Variants in COL5A2 observed in about 807,000 individuals in gnomAD.
COL5A2 encodes collagen type V alpha 2 chain.
A neutral mutation model predicts 208.2 loss-of-function variants in COL5A2; 23 were observed. The ratio of observed to expected loss-of-function variants is 0.11; its 90% confidence interval spans 0.08 to 0.16. COL5A2 has a LOEUF of 0.16. Among genes scored for constraint, COL5A2 ranks in the 10% least tolerant of loss-of-function variants. The pLI is 1.00. For missense variants in COL5A2, 1,590 were observed against 1,956.4 expected, an observed-to-expected ratio of 0.81 and a Z score of 3.53; for synonymous variants, 625 against 628.5, an observed-to-expected ratio of 0.99 and a Z score of 0.08.
chr2:189,411,282 A>G, the COL5A2 span, among the ~76,000 whole-genome samples: 3 of 152,164 alleles, frequency 2.0e-5, no homozygotes, highest in African/African-American at 7.2e-5. Flanking sequence ...ATATAATAAT[A>G]AATTATGATT....
At chr2:189,406,350 T>C in the COL5A2 span, among the ~76,000 whole-genome samples, 1 of 152,300 alleles carries the variant, frequency 6.6e-6, no homozygotes, top group South Asian at 2.1e-4. Context: ...GTAGACTCCA[T>C]CTTTGGGATA....
Position 189,080,011 on chromosome 2 carries a change from G to T in COL5A2, c.927C>A (p.Gly309=). The T allele has an allele frequency of 6.2e-7, 1 of 1,612,734 alleles. No individual in the cohort carries two copies. The highest frequency in any genetic ancestry group is 8.5e-7 in the Non-Finnish European group (1 of 1,179,010). ...CAGGTGCTCCAACTTCACCTTTAGG[G>T]CCTTCAAGACCTTTGTGTCCCTGAG... ...KGHRGHKGLE[G]PKGEVGAPGS... is the part of the protein sequence containing the mutation. The change falls in exon 14 of 54, where the codon GGC becomes GGA. Residue 309 remains glycine, a synonymous_variant. Transcript: ENST00000374866.
intron 6 of COL5A2, 137 bp downstream of exon 6, chr2:189,097,140 C>T (rs1462594101): frequency 1.3e-6 from 1 of 759,450 alleles, no homozygotes; most frequent in Non-Finnish European, 2.3e-6. Context: ...AGATAATATA[C>T]AATTATTATT....
intron 1 of COL5A2, among the ~76,000 whole-genome samples, chr2:189,215,912 C>A (rs556195203): frequency 6.8e-4 from 103 of 152,238 alleles, no homozygotes; most frequent in African/African-American, 2.4e-3. Flanking sequence ...AATGCTTCTT[C>A]CCTGTAACTA....
intron 1 of COL5A2, among the ~76,000 whole-genome samples, chr2:189,223,501 C>A (rs1336007204): frequency 6.6e-6 from 1 of 152,130 alleles, no homozygotes; most frequent in East Asian, 1.9e-4. Flanking sequence ...TATGTGTGTT[C>A]ATGAAAAGAC....
rs1212389042 is a variant in COL5A2, at chr2:189,045,846, G to A, written c.3263C>T (p.Pro1088Leu). ...ATCTCCTGGAGCACCCACAGGGCCA[G>A]GAGTTCCAGGGGCACCCTGAGAGCC... is the stretch of plus-strand genomic sequence containing the variant. ...LPGSQGAPGTPGPVGAPGDAG... is the reference protein window; with the variant it reads ...LPGSQGAPGTLGPVGAPGDAG... Residue 1088 changes from proline to leucine, a missense_variant, in exon 46 of 54, where the codon CCT becomes CTT. Physicochemically the swap from Pro to Leu is moderately conservative, Grantham distance 98. Coordinates refer to ENST00000374866, the MANE Select transcript of COL5A2 (RefSeq NM_000393.5). 1 of 1,614,166 alleles carries A rather than the reference G, an allele frequency of 6.2e-7. No individual in the cohort carries two copies. Among genetic ancestry groups the A allele is most frequent in the Non-Finnish European group, 8.5e-7 (1 of 1,180,006 alleles).
the COL5A2 span, among the ~76,000 whole-genome samples, chr2:189,358,839 A>C: frequency 6.7e-6 from 1 of 149,622 alleles, no homozygotes; most frequent in Non-Finnish European, 1.5e-5. Flanking sequence ...CTATTATAAA[A>C]GTGATTGCCT....
intron 1 of COL5A2, among the ~76,000 whole-genome samples, chr2:189,166,522 C>A (rs1213490626): frequency 6.6e-6 from 1 of 152,142 alleles, no homozygotes; most frequent in Admixed American, 6.5e-5. Context: ...CTCAAAATCC[C>A]TCTTCAGAAA....
At chr2:189,231,784 T>C in the COL5A2 span, among the ~76,000 whole-genome samples, 1 of 115,518 alleles carries the variant, frequency 8.7e-6, no homozygotes, top group Non-Finnish European at 2.0e-5. Flanking sequence ...GATACATTTG[T>C]GTTATGTTCT....
chr2:189,413,010 G>A, the COL5A2 span, among the ~76,000 whole-genome samples: 1 of 152,184 alleles, frequency 6.6e-6, no homozygotes, highest in Non-Finnish European at 1.5e-5. Flanking sequence ...TAGTATGAAA[G>A]CAAGAGAGCA....
chr2:189,270,197 T>C, the COL5A2 span, among the ~76,000 whole-genome samples: 1 of 152,152 alleles, frequency 6.6e-6, no homozygotes, highest in Non-Finnish European at 1.5e-5. Flanking sequence ...CCTGGATTCA[T>C]TGATTTTTTT....
chr2:189,161,832 A>C (rs990992725), intron 1 of COL5A2, among the ~76,000 whole-genome samples: 1 of 152,234 alleles, frequency 6.6e-6, no homozygotes, highest in East Asian at 1.9e-4. Flanking sequence ...CAATAAATAA[A>C]AGGATTTATT....
At chr2:189,202,828 T>C (rs1689095019) in intron 1 of COL5A2, among the ~76,000 whole-genome samples, 1 of 152,180 alleles carries the variant, frequency 6.6e-6, no homozygotes, top group African/African-American at 2.4e-5. Context: ...TAACCTTTTC[T>C]AGTTACCAAT....
the COL5A2 span, among the ~76,000 whole-genome samples, chr2:189,349,996 A>C: frequency 6.6e-6 from 1 of 152,198 alleles, no homozygotes; most frequent in Non-Finnish European, 1.5e-5. Context: ...ATATCAAAGC[A>C]CCTTGTGTTC....
At chr2:189,199,308 C>A (rs1284143061) in intron 1 of COL5A2, among the ~76,000 whole-genome samples, 1 of 151,908 alleles carries the variant, frequency 6.6e-6, no homozygotes, top group Non-Finnish European at 1.5e-5. Flanking sequence ...ATGACTATTG[C>A]CAAAAATGGA....
At chr2:189,202,346 G>C (rs1023796644) in intron 1 of COL5A2, among the ~76,000 whole-genome samples, 2 of 152,102 alleles carry the variant, frequency 1.3e-5, no homozygotes, top group Non-Finnish European at 2.9e-5. Flanking sequence ...GAATTATGCA[G>C]TTAAAAGCAA....
At chr2:189,349,835 C>T in the COL5A2 span, among the ~76,000 whole-genome samples, 1 of 152,078 alleles carries the variant, frequency 6.6e-6, no homozygotes, top group East Asian at 1.9e-4. Context: ...AAATTACATA[C>T]TGATGCTTTC....
chr2:189,357,973 G>A, the COL5A2 span, among the ~76,000 whole-genome samples: 3 of 152,014 alleles, frequency 2.0e-5, no homozygotes, highest in Non-Finnish European at 4.4e-5. Context: ...CTTGGCTAGG[G>A]GAGGGAAAGC....
At chr2:189,262,688 A>C in the COL5A2 span, among the ~76,000 whole-genome samples, 3 of 152,148 alleles carry the variant, frequency 2.0e-5, no homozygotes, top group African/African-American at 4.8e-5. Context: ...TAATTACATA[A>C]GAACAATATA....
Sources: allele counts gnomAD v4.1 joint callset (sites outside exome capture counted in the v4.1 genomes callset), GRCh38; gene constraint gnomAD v4.1.1; transcripts MANE v1.5; gene names NCBI Gene and HGNC (gene_info 2026-07-23, HGNC 2026-07-21).